NUMBL: variants seen among roughly 807,000 people sequenced by gnomAD.
NUMBL encodes numb-like protein.
A neutral mutation model predicts 48.9 loss-of-function variants in NUMBL; 20 were observed. The ratio of observed to expected loss-of-function variants is 0.41; its 90% confidence interval spans 0.29 to 0.59. NUMBL has a LOEUF of 0.59. NUMBL is among the 20% of genes least tolerant of loss of function. The pLI is 0.31. For missense variants in NUMBL, 660 were observed against 846.2 expected (o/e 0.78, Z 2.73); for synonymous variants, 340 against 348.7 (o/e 0.98, Z 0.28).
In NUMBL at chr19:40,667,229, T is replaced by C; in HGVS notation, c.*239A>G. 1.8e-6 allele frequency: 1 copy of C among 560,494 alleles called. No individual in the cohort carries two copies. The highest frequency in any genetic ancestry group is 3.1e-6 in the Non-Finnish European group (1 of 321,280). The allele number at this position is 560,494 out of a possible 1,614,324, so 34.7% of individuals were successfully genotyped here. A position where few individuals can be genotyped will look rare whatever the true frequency, so the allele number is the denominator to read the frequency against. On this transcript the variant is annotated 3_prime_UTR_variant, in exon 10 of 10. Coordinates refer to ENST00000252891, the MANE Select transcript of NUMBL (RefSeq NM_004756.5). The surrounding 1 kb of genome is among the most constrained non-coding windows in gnomAD (Gnocchi z 6.1). ...GTTGGGGAAGGGGGCATTGCCAGCC[T>C]AAGTCCGGCAGTGAAATGGTTCCCT...
Position 40,669,950 on chromosome 19 carries a change from T to A in NUMBL, c.1107A>T (p.Ser369=). ...CTGGCGCTCCAGCACTGGCAAAAGA[T>A]GAACTGATCTGTGTGCACAGAGCGT... ...SINALCTQIS[S]SFASAGAPAP... The change falls in exon 9 of 10, where the codon TCA becomes TCT. Residue 369 remains serine, a synonymous_variant. Coordinates refer to ENST00000252891, the MANE Select transcript of NUMBL (RefSeq NM_004756.5). 6.2e-6 allele frequency: 10 copies of A among 1,614,068 alleles called. No individual in the cohort carries two copies. Among genetic ancestry groups the A allele is most frequent in the Non-Finnish European group, 8.5e-6 (10 of 1,179,972 alleles).
In NUMBL at chr19:40,682,885, C is replaced by T. The variant is rs757347817; in HGVS notation, c.324+9G>A. 6.2e-6 allele frequency: 10 copies of T among 1,613,996 alleles called. No individual in the cohort carries two copies. The highest frequency in any genetic ancestry group is 3.3e-4 in the Middle Eastern group (2 of 6,084). ...TTGCCCCCTCCCTCATGGCAGCCCC[C>T]TCACTCACCGCCTTCAGCTTCTTCA... On this transcript the variant is annotated intron_variant, in intron 4 of 9. Transcript: ENST00000252891. The surrounding 1 kb of genome is among the most constrained non-coding windows in gnomAD (Gnocchi z 4.0).
At chr19:40,678,280 A>G (rs1481201603) in intron 6 of NUMBL, among the ~76,000 whole-genome samples, 1 of 152,144 alleles carries the variant, frequency 6.6e-6, no homozygotes, top group Non-Finnish European at 1.5e-5. Context: ...CTCCTGCCTC[A>G]GCCTCTCAAG....
chr19:40,678,053 G>A (rs912392054), intron 6 of NUMBL, among the ~76,000 whole-genome samples: 2 of 152,172 alleles, frequency 1.3e-5, no homozygotes, highest in Admixed American at 1.3e-4. Context: ...CAGTTCTAAC[G>A]CTGAAGCCCT....
chr19:40,667,339 T>G lies in NUMBL; in HGVS notation c.*129A>C. ...GGTTCTGTAGTGGTTGTCGGGGTGG[T>G]TGAGGGAGGGGGGTGTTGAGAGGGT... On this transcript the variant is annotated 3_prime_UTR_variant, in exon 10 of 10. Coordinates refer to ENST00000252891, the MANE Select transcript of NUMBL (RefSeq NM_004756.5). This position sits in a 1 kb window ranked among gnomAD's most constrained non-coding sequence, Gnocchi z 6.1. The G allele has an allele frequency of 8.4e-6, 11 of 1,302,074 alleles. No homozygotes were observed. Among genetic ancestry groups the G allele is most frequent in the Non-Finnish European group, 1.1e-5 (11 of 968,914 alleles). The allele number at this position is 1,302,074 out of a possible 1,614,324, so 80.7% of individuals were successfully genotyped here. A position where few individuals can be genotyped will look rare whatever the true frequency, so the allele number is the denominator to read the frequency against.
intron 9 of NUMBL, among the ~76,000 whole-genome samples, chr19:40,669,255 T>C (rs1456809789): frequency 6.6e-6 from 1 of 152,100 alleles, no homozygotes; most frequent in Non-Finnish European, 1.5e-5. Flanking sequence ...GGCTCTAAGA[T>C]GATCCATAGT....
intron 8 of NUMBL, among the ~76,000 whole-genome samples, chr19:40,671,608 C>T (rs544498641): frequency 5.3e-5 from 8 of 152,260 alleles, no homozygotes; most frequent in South Asian, 2.1e-4. Context: ...ATGGAGGGAG[C>T]GTGCGTCACT....
In NUMBL at chr19:40,677,523, G is replaced by A. The variant is rs2081883730; in HGVS notation, c.541-102C>T. On this transcript the variant is annotated intron_variant, in intron 6 of 9. Transcript: ENST00000252891. ...CGCTAGGTACTGGGTTGCCCCGGAT[G>A]AGTCTCTGCACTTCTCTGGGCCTCA... 3 of 1,032,214 alleles carry A rather than the reference G, an allele frequency of 2.9e-6. No homozygotes were observed. In the Admixed American group the frequency reaches 7.8e-5, roughly 27 times the overall value. The allele number at this position is 1,032,214 out of a possible 1,614,324, so 63.9% of individuals were successfully genotyped here. A position where few individuals can be genotyped will look rare whatever the true frequency, so the allele number is the denominator to read the frequency against.
chr19:40,670,112 C>T, intron 8 of NUMBL, 92 bp from the exon 9 acceptor site: 1 of 1,482,776 alleles, frequency 6.7e-7, no homozygotes, highest in Non-Finnish European at 9.0e-7. Context: ...GCCCTCTCTT[C>T]TGACCTGGAT....
rs1314871880 is a variant in NUMBL, at chr19:40,669,950, T to G, written c.1107A>C (p.Ser369=). ...CTGGCGCTCCAGCACTGGCAAAAGA[T>G]GAACTGATCTGTGTGCACAGAGCGT... ...SINALCTQIS[S]SFASAGAPAP... is the part of the protein sequence containing the mutation. Residue 369 remains serine (S), a synonymous_variant, in exon 9 of 10, where the codon TCA becomes TCC. Transcript: ENST00000252891. 4.3e-6 allele frequency: 7 copies of G among 1,613,950 alleles called. No homozygotes were observed. In the African/African-American group the frequency reaches 9.3e-5, roughly 22 times the overall value.
chr19:40,671,746 A>G (rs545124388), intron 8 of NUMBL, among the ~76,000 whole-genome samples: 5 of 152,350 alleles, frequency 3.3e-5, no homozygotes, highest in African/African-American at 1.2e-4. Flanking sequence ...TTTGGCATCC[A>G]GGAGCAAGAG....
At chr19:40,677,967 T>C (rs2081886598) in intron 6 of NUMBL, among the ~76,000 whole-genome samples, 1 of 152,130 alleles carries the variant, frequency 6.6e-6, no homozygotes, top group Non-Finnish European at 1.5e-5. Context: ...TACATGGGTG[T>C]ATGCAGTTGT....
In NUMBL at chr19:40,677,246, G is replaced by T; in HGVS notation, c.716C>A (p.Pro239Gln). The change falls in exon 7 of 10, where the codon CCG (proline) becomes CAG (glutamine). Residue 239 changes from proline to glutamine, a missense_variant. Transcript: ENST00000252891. ...GCAACACCCACCTTTCTTCTTGTCCGGGGCCTCTCGCTCAGCAGGCCGCCC... is the reference window on the plus strand; with the variant it reads ...GCAACACCCACCTTTCTTCTTGTCCTGGGCCTCTCGCTCAGCAGGCCGCCC... ...GGGRPAEREAPDKKKAEAAAA... is the reference protein window; with the variant it reads ...GGGRPAEREAQDKKKAEAAAA... 6.4e-7 allele frequency: 1 copy of T among 1,566,188 alleles called. No individual in the cohort carries two copies. The highest frequency in any genetic ancestry group is 8.6e-7 in the Non-Finnish European group (1 of 1,156,470).
chr19:40,682,776 G>C lies in NUMBL; in HGVS notation c.351C>G (p.Val117=), dbSNP rs777676671. The part of the protein sequence containing the change: ...KAMGRKSVKS[V]LWVSADGLRV... Reference sequence around the variant, plus strand: ...GGAGCCCATCGGCTGACACCCACAGGACAGACTTCACGGACTTTCGGCCCA... The same window carrying C: ...GGAGCCCATCGGCTGACACCCACAGCACAGACTTCACGGACTTTCGGCCCA... The change falls in exon 5 of 10, where the codon GTC becomes GTG. Residue 117 remains valine, a synonymous_variant. Coordinates refer to ENST00000252891, the MANE Select transcript of NUMBL (RefSeq NM_004756.5). The surrounding 1 kb of genome is among the most constrained non-coding windows in gnomAD (Gnocchi z 4.0). 13 of 1,614,058 alleles carry C rather than the reference G, an allele frequency of 8.1e-6. 1 individual carries two copies. The South Asian group carries it at 1.3e-4, about 16-fold the overall frequency.
At chr19:40,684,671 C>G (rs938286771) in intron 2 of NUMBL, 115 bp from the exon 3 acceptor site, 1 of 1,395,396 alleles carries the variant, frequency 7.2e-7, no homozygotes. Flanking sequence ...TAACTGGAAG[C>G]GGGGTTACAG....
chr19:40,687,489 A>G lies in NUMBL; in HGVS notation c.25-494T>C, dbSNP rs529697744. Reference sequence around the variant, plus strand: ...CGGACACACACAGTCTCTACTACAGACATTTGTCCACATACATGCAGCATG... The same window carrying G: ...CGGACACACACAGTCTCTACTACAGGCATTTGTCCACATACATGCAGCATG... On this transcript the variant is annotated intron_variant, in intron 1 of 9. Coordinates refer to ENST00000252891, the MANE Select transcript of NUMBL (RefSeq NM_004756.5). This position sits in a 1 kb window ranked among gnomAD's most constrained non-coding sequence, Gnocchi z 4.6. Among the ~76,000 whole-genome samples, 1 of 152,322 alleles carries G rather than the reference A, an allele frequency of 6.6e-6. No homozygotes were observed. The highest frequency in any genetic ancestry group is 2.4e-5 in the African/African-American group (1 of 41,564).
chr19:40,686,624 TGCATTA>T (rs1175868762), intron 2 of NUMBL, among the ~76,000 whole-genome samples: 1 of 152,132 alleles, frequency 6.6e-6, no homozygotes, highest in Non-Finnish European at 1.5e-5. Context: ...AGTGTGTCAC[TGCATTA>T]GCAAGTGTGT....
chr19:40,678,491 A>G (rs1292149758), intron 6 of NUMBL, among the ~76,000 whole-genome samples: 2 of 147,952 alleles, frequency 1.4e-5, no homozygotes, highest in Non-Finnish European at 3.0e-5. Context: ...AAGGAAAAAG[A>G]GACAAGAGAT....
At chr19:40,679,967 T>G (rs1456435812) in intron 6 of NUMBL, among the ~76,000 whole-genome samples, 1 of 152,000 alleles carries the variant, frequency 6.6e-6, no homozygotes, top group African/African-American at 2.4e-5. Flanking sequence ...TAATTTTATG[T>G]GAATTTCACC....
Sources: gnomAD v4.1 joint callset for allele counts (sites outside exome capture counted in the v4.1 genomes callset) on GRCh38, gnomAD v4.1.1 for gene constraint, Gnocchi (gnomAD v3.1) non-coding constraint, MANE v1.5 for transcripts, NCBI Gene and HGNC (gene_info 2026-07-23, HGNC 2026-07-21) for gene names.